Variants in NEK11 observed in about 807,000 individuals in gnomAD.
NEK11 encodes NIMA related kinase 11, also known as serine/threonine-protein kinase Nek11.
Under a neutral mutation model 80.7 loss-of-function variants are expected in NEK11, and 72 were observed. The ratio of observed to expected loss-of-function variants is 0.89; its 90% CI spans 0.74 to 1.08. The LOEUF (loss-of-function observed/expected upper bound fraction) is 1.08. Among genes scored for constraint, NEK11 ranks in the 50% least tolerant of loss-of-function variants. The pLI is 0.00. For synonymous variants in NEK11, 251 were observed against 260.7 expected (o/e 0.96, Z 0.36); for missense variants, 764 against 763.6 (o/e 1.00, Z -0.01).
intron 3 of NEK11, among the ~76,000 whole-genome samples, chr3:131,040,034 T>G (rs1227042215): frequency 4.0e-5 from 1 of 24,810 alleles, no homozygotes; most frequent in Non-Finnish European, 1.5e-4. Flanking sequence ...GTTCTAAAAG[T>G]AGTTTACTTC....
At chr3:131,224,808 AAAAG>A (rs1350090547) in intron 14 of NEK11, among the ~76,000 whole-genome samples, 31 of 152,206 alleles carry the variant, frequency 2.0e-4, no homozygotes, top group African/African-American at 7.2e-4. Context: ...TTGAAAAAGA[AAAAG>A]AAAGAAAAAA....
chr3:131,136,092 C>G (rs1560579980), intron 7 of NEK11, among the ~76,000 whole-genome samples: 4 of 151,584 alleles, frequency 2.6e-5, no homozygotes, highest in Admixed American at 1.3e-4. Context: ...CCAAAATATA[C>G]AAAGCAGAAG....
chr3:131,302,891 C>T (rs1447648213), intron 17 of NEK11, among the ~76,000 whole-genome samples: 1 of 152,040 alleles, frequency 6.6e-6, no homozygotes, highest in African/African-American at 2.4e-5. Context: ...AAGTTCAAGT[C>T]CTGAATATCT....
chr3:131,273,559 T>A lies in NEK11; in HGVS notation c.1703T>A (p.Met568Lys), dbSNP rs116395665. 1.1e-3 allele frequency: 1,839 copies of A among 1,613,640 alleles called. 16 individuals carry two copies. The African/African-American group carries it at 0.021, about 19-fold the overall frequency. The change falls in exon 17 of 18, where the codon ATG becomes AAG. Residue 568 changes from methionine (M) to lysine (K), a missense_variant. By Grantham distance (95) the Met-to-Lys change is moderately conservative. Coordinates refer to ENST00000383366, the MANE Select transcript of NEK11 (RefSeq NM_024800.5). ...IFNSVMARTK[M>K]KRMRESAMQK... ...AACAGTGTGATGGCCAGGACCAAGA[T>A]GAAACGCATGAGGGAGTAAGTAGCA...
intron 14 of NEK11, among the ~76,000 whole-genome samples, chr3:131,198,962 G>C (rs1169541213): frequency 1.3e-5 from 2 of 152,190 alleles, no homozygotes; most frequent in East Asian, 3.9e-4. Context: ...TTTGGGATGA[G>C]GACAAGCCAG....
rs552649979 is a variant in NEK11, at chr3:131,154,811, G to C, written c.877-225G>C. ...GCAAAAGGGAGTGAGAGAGCAAGCA[G>C]TGCAAGATGAAGCTGGAGAGACAGG... On this transcript the variant is annotated intron_variant, in intron 9 of 17. Coordinates refer to ENST00000383366, the MANE Select transcript of NEK11 (RefSeq NM_024800.5). The C allele has an allele frequency of 3.8e-5, 19 of 498,834 alleles. No homozygotes were observed. In the South Asian group the frequency reaches 5.4e-4, roughly 14 times the overall value. 30.9% of individuals were successfully genotyped at this position (498,834 alleles called of 1,614,324 possible).
intron 14 of NEK11, among the ~76,000 whole-genome samples, chr3:131,183,768 C>A (rs188374006): frequency 6.6e-6 from 1 of 152,188 alleles, no homozygotes; most frequent in African/African-American, 2.4e-5. Flanking sequence ...ATCTTTATAA[C>A]AGAATGATTT....
chr3:131,348,017 TAC>T (rs1472338020), intron 17 of NEK11, among the ~76,000 whole-genome samples: 1 of 152,210 alleles, frequency 6.6e-6, no homozygotes, highest in East Asian at 1.9e-4. Context: ...CAAATATTTA[TAC>T]ACTTTGACCT....
intron 14 of NEK11, among the ~76,000 whole-genome samples, chr3:131,178,376 G>T (rs2093157560): frequency 6.6e-6 from 1 of 152,032 alleles, no homozygotes; most frequent in Non-Finnish European, 1.5e-5. Flanking sequence ...AAAACTTTTT[G>T]ATTATTTTAT....
At position 131,132,765 on chromosome 3, in the gene NEK11, TA is replaced by T; in HGVS notation, c.479del (p.Lys160SerfsTer7). ...MHERRILHRDLKSKNVFLKNN... is the reference protein window; with the variant it reads ...MHERRILHRDXKSKNVFLKNN... ...TGTAGGAGGATACTTCATCGAGACT[TA>T]AAGTCAAAGAATGTATTTCTGAAAA... On this transcript the variant is annotated frameshift_variant, in exon 6 of 18. Coordinates refer to ENST00000383366, the MANE Select transcript of NEK11 (RefSeq NM_024800.5). LOFTEE classifies it high-confidence loss of function. 6.5e-7 allele frequency: 1 copy of T among 1,533,362 alleles called. No homozygotes were observed. Among genetic ancestry groups the T allele is most frequent in the Non-Finnish European group, 8.9e-7 (1 of 1,124,356 alleles). 95.0% of individuals were successfully genotyped at this position (1,533,362 alleles called of 1,614,324 possible).
At chr3:131,109,649 A>C in intron 4 of NEK11, 154 bp from the exon 5 acceptor site, 1 of 764,992 alleles carries the variant, frequency 1.3e-6, no homozygotes. Flanking sequence ...AGGAACCTGG[A>C]TAGACTTTGA....
intron 17 of NEK11, among the ~76,000 whole-genome samples, chr3:131,305,697 G>A (rs1668625388): frequency 6.6e-6 from 1 of 152,178 alleles, no homozygotes; most frequent in African/African-American, 2.4e-5. Flanking sequence ...AGATCTTGGG[G>A]TCTCCTGCTG....
Position 131,167,852 on chromosome 3 carries a change from G to A in NEK11, c.1177-978G>A, listed in dbSNP as rs149653093. On this transcript the variant is annotated intron_variant, in intron 12 of 17. Coordinates refer to ENST00000383366, the MANE Select transcript of NEK11 (RefSeq NM_024800.5). ...AAAGGGAGCAGGAGGGGAAGCGACC[G>A]ATGCTGATGCTGTTCTGGACAAAGA... Among the ~76,000 whole-genome samples, 645 of 152,292 alleles carry A rather than the reference G, an allele frequency of 4.2e-3. 2 individuals carry two copies. The highest frequency in any genetic ancestry group is 5.9e-3 in the Non-Finnish European group (402 of 68,028).
intron 5 of NEK11, among the ~76,000 whole-genome samples, chr3:131,122,720 G>T (rs1471261247): frequency 1.3e-5 from 2 of 152,318 alleles, no homozygotes; most frequent in East Asian, 3.9e-4. Context: ...GAGAGGAATT[G>T]TCCATACCTT....
intron 16 of NEK11, among the ~76,000 whole-genome samples, chr3:131,251,028 T>C (rs2095690666): frequency 6.6e-6 from 1 of 151,880 alleles, no homozygotes; most frequent in African/African-American, 2.4e-5. Context: ...AAGAAAAATA[T>C]TTGTAAGTGT....
chr3:131,078,873 CTTTTTTT>C (rs769791475), intron 3 of NEK11, among the ~76,000 whole-genome samples: 1 of 139,090 alleles, frequency 7.2e-6, no homozygotes, highest in Non-Finnish European at 1.6e-5. Context: ...ACTCCTTCAT[CTTTTTTT>C]TTTTTTTGCA....
intron 17 of NEK11, chr3:131,328,977 T>C (rs565111566): frequency 5.3e-5 from 8 of 152,250 alleles, no homozygotes; most frequent in Non-Finnish European, 1.2e-4. Flanking sequence ...CCAGCAGCTC[T>C]GGGCAGACTT....
rs936209141 is a variant in NEK11, at chr3:131,165,257, A to T, written c.1083-169A>T. ...GTATCTTGTGTGTGCTTTAAAAGAGAATCAGCCGGGTGCTGCACCACATTC... is the reference window on the plus strand; with the variant it reads ...GTATCTTGTGTGTGCTTTAAAAGAGTATCAGCCGGGTGCTGCACCACATTC... On this transcript the variant is annotated intron_variant, in intron 11 of 17. Transcript: ENST00000383366. The T allele has an allele frequency of 1.8e-5, 10 of 561,300 alleles. No homozygotes were observed. In the African/African-American group the frequency reaches 1.9e-4, roughly 11 times the overall value. 34.8% of individuals were successfully genotyped at this position (561,300 alleles called of 1,614,324 possible).
intron 17 of NEK11, among the ~76,000 whole-genome samples, chr3:131,336,485 T>G (rs1387646849): frequency 6.6e-6 from 1 of 152,170 alleles, no homozygotes; most frequent in Non-Finnish European, 1.5e-5. Flanking sequence ...GTTTAAAGAC[T>G]TAAACATTAG....
Sources: allele counts gnomAD v4.1 joint callset (sites outside exome capture counted in the v4.1 genomes callset), GRCh38; gene constraint gnomAD v4.1.1; transcripts MANE v1.5; gene names NCBI Gene and HGNC (gene_info 2026-07-23, HGNC 2026-07-21).